ARMC1: variants seen among roughly 807,000 people sequenced by gnomAD.
The protein encoded by ARMC1 is armadillo repeat-containing protein 1.
A neutral mutation model predicts 31.4 loss-of-function variants in ARMC1; 16 were observed. The observed-to-expected ratio is 0.51, with a 90% CI of 0.34 to 0.77. ARMC1 has a LOEUF of 0.77. ARMC1 is among the 30% of genes least tolerant of loss of function. ARMC1 has a pLI of 0.01. For missense variants in ARMC1, 259 were observed against 347.5 expected, an observed-to-expected ratio of 0.75 and a Z score of 2.02; for synonymous variants, 114 against 118.9, an observed-to-expected ratio of 0.96 and a Z score of 0.27.
intron 1 of ARMC1, among the ~76,000 whole-genome samples, chr8:65,632,707 C>T (rs527712556): frequency 2.0e-5 from 3 of 152,144 alleles, no homozygotes; most frequent in South Asian, 4.1e-4. Context: ...GAGGCCAAGG[C>T]CTCTGGTACT....
At chr8:65,620,799 T>TA (rs112946805) in intron 3 of ARMC1, among the ~76,000 whole-genome samples, 39 of 139,178 alleles carry the variant, frequency 2.8e-4, no homozygotes, top group East Asian at 1.8e-3. Flanking sequence ...TAGTTCCATT[T>TA]AAAAAAAAAC....
At chr8:65,616,000 ATAAC>A (rs1443780557) in intron 3 of ARMC1, among the ~76,000 whole-genome samples, 1 of 152,242 alleles carries the variant, frequency 6.6e-6, no homozygotes, top group Admixed American at 6.5e-5. Flanking sequence ...AAAACATCCA[ATAAC>A]TGTCATACAT....
At chr8:65,606,258 G>A (rs1333634923) in intron 4 of ARMC1, among the ~76,000 whole-genome samples, 3 of 151,908 alleles carry the variant, frequency 2.0e-5, no homozygotes. Context: ...CTGCTCGGGA[G>A]GCTGAGGCAG....
chr8:65,604,482 G>A lies in ARMC1; in HGVS notation c.761C>T (p.Ala254Val), dbSNP rs773610877. Residue 254 changes from alanine to valine, a missense_variant, in exon 7 of 7, where the codon GCG becomes GTG. Transcript: ENST00000276569. ...DESPTKEQDK[A>V]VSRVGSHPEG... Reference sequence around the variant, plus strand: ...TGGGTGTGAGCCGACCCGGGACACCGCTTTGTCCTGTTCCTTTGTGGGACT... The same window carrying A: ...TGGGTGTGAGCCGACCCGGGACACCACTTTGTCCTGTTCCTTTGTGGGACT... 49 of 1,614,002 alleles carry A rather than the reference G, an allele frequency of 3.0e-5. No individual in the cohort carries two copies. Among genetic ancestry groups the A allele is most frequent in the African/African-American group, 4.0e-5 (3 of 74,898 alleles).
At chr8:65,608,647 T>C (rs1808055787) in intron 4 of ARMC1, among the ~76,000 whole-genome samples, 1 of 152,070 alleles carries the variant, frequency 6.6e-6, no homozygotes, top group Non-Finnish European at 1.5e-5. Context: ...CTTCCCCTTC[T>C]ATTATAACCT....
chr8:65,617,592 C>A (rs1167397875), intron 3 of ARMC1, among the ~76,000 whole-genome samples: 3 of 151,402 alleles, frequency 2.0e-5, no homozygotes, highest in African/African-American at 4.9e-5. Context: ...TCCCCCTCTG[C>A]GAGAAACACC....
intron 1 of ARMC1, among the ~76,000 whole-genome samples, chr8:65,632,210 G>A (rs1226852568): frequency 6.6e-6 from 1 of 152,088 alleles, no homozygotes; most frequent in African/African-American, 2.4e-5. Flanking sequence ...AGGCCCAGGG[G>A]GGTGGATCTC....
Position 65,602,480 on chromosome 8 carries a change from A to G in ARMC1, c.*1914T>C, listed in dbSNP as rs1444829290. 6.6e-6 allele frequency: 1 copy of G among 152,192 alleles called. No homozygotes were observed. Among genetic ancestry groups the G allele is most frequent in the Middle Eastern group, 3.2e-3 (1 of 316 alleles). The allele number at this position is 152,192 out of a possible 1,614,324, so 9.4% of individuals were successfully genotyped here. On this transcript the variant is annotated 3_prime_UTR_variant, in exon 7 of 7. Coordinates refer to ENST00000276569, the MANE Select transcript of ARMC1 (RefSeq NM_018120.6). Reference sequence around the variant, plus strand: ...ATATAATATCCACTCGATTTTAATTATGTTACCTTTTATTATTTTACAATG... The same window carrying G: ...ATATAATATCCACTCGATTTTAATTGTGTTACCTTTTATTATTTTACAATG...
chr8:65,613,050 C>A (rs534299579), intron 4 of ARMC1, among the ~76,000 whole-genome samples, 194 bp downstream of exon 4: 1 of 151,962 alleles, frequency 6.6e-6, no homozygotes, highest in African/African-American at 2.4e-5. Flanking sequence ...TCATATATTT[C>A]GATGTTCTAT....
intron 3 of ARMC1, among the ~76,000 whole-genome samples, chr8:65,619,264 G>C (rs1168178946): frequency 6.6e-6 from 1 of 152,162 alleles, no homozygotes; most frequent in African/African-American, 2.4e-5. Context: ...GCCAGGGGTG[G>C]TGATTCACCC....
intron 2 of ARMC1, among the ~76,000 whole-genome samples, chr8:65,623,325 TGC>T (rs1808437740): frequency 4.8e-5 from 1 of 20,874 alleles, no homozygotes; most frequent in Non-Finnish European, 9.5e-5. Context: ...AAAAAAAAAA[TGC>T]TGGGCGCTGA....
At chr8:65,612,752 C>T (rs973354542) in intron 4 of ARMC1, among the ~76,000 whole-genome samples, 1 of 151,930 alleles carries the variant, frequency 6.6e-6, no homozygotes, top group Non-Finnish European at 1.5e-5. Flanking sequence ...ATTCCAGCTA[C>T]TCGGGAGGCT....
chr8:65,609,812 C>T (rs1808084323), intron 4 of ARMC1, among the ~76,000 whole-genome samples: 1 of 137,102 alleles, frequency 7.3e-6, no homozygotes, highest in Non-Finnish European at 1.5e-5. Context: ...AAGCCGAGAT[C>T]ACGACACTGC....
intron 1 of ARMC1, among the ~76,000 whole-genome samples, chr8:65,630,464 G>GA (rs1313584343): frequency 6.6e-6 from 1 of 152,058 alleles, no homozygotes; most frequent in African/African-American, 2.4e-5. Context: ...GAACTATACT[G>GA]AAAAAAAGTT....
chr8:65,603,314 T>C lies in ARMC1; in HGVS notation c.*1080A>G, dbSNP rs1807932815. 1 of 152,198 alleles carries C rather than the reference T, an allele frequency of 6.6e-6. No individual in the cohort carries two copies. Among genetic ancestry groups the C allele is most frequent in the Non-Finnish European group, 1.5e-5 (1 of 68,012 alleles). The allele number at this position is 152,198 out of a possible 1,614,324, so 9.4% of individuals were successfully genotyped here. Reference sequence around the variant, plus strand: ...GATTAAGTGATCAATGCTGGCTTTATTTCTTCATAAGCAGTAATTTGGGTC... The same window carrying C: ...GATTAAGTGATCAATGCTGGCTTTACTTCTTCATAAGCAGTAATTTGGGTC... On this transcript the variant is annotated 3_prime_UTR_variant, in exon 7 of 7. Coordinates refer to ENST00000276569, the MANE Select transcript of ARMC1 (RefSeq NM_018120.6).
chr8:65,629,941 T>C (rs188814657), intron 1 of ARMC1, among the ~76,000 whole-genome samples: 9 of 152,214 alleles, frequency 5.9e-5, no homozygotes, highest in African/African-American at 1.4e-4. Flanking sequence ...AGTCAGGAGT[T>C]TGAGACCAGT....
At chr8:65,624,331 T>A (rs1257986517) in intron 2 of ARMC1, among the ~76,000 whole-genome samples, 4 of 151,208 alleles carry the variant, frequency 2.6e-5, no homozygotes, top group Non-Finnish European at 5.9e-5. Flanking sequence ...AAACCCTGTC[T>A]CTACTAAAAA....
chr8:65,607,756 G>T (rs1808035505), intron 4 of ARMC1, among the ~76,000 whole-genome samples: 1 of 152,058 alleles, frequency 6.6e-6, no homozygotes, highest in Admixed American at 6.6e-5. Context: ...ACAAATTTAG[G>T]AAGAACTAAC....
intron 1 of ARMC1, among the ~76,000 whole-genome samples, chr8:65,629,561 G>T (rs574775546): frequency 6.6e-6 from 1 of 152,202 alleles, no homozygotes; most frequent in African/African-American, 2.4e-5. Context: ...AGCACTTTGG[G>T]AGGCCAAGGC....
Sources: gnomAD v4.1 joint callset for allele counts (sites outside exome capture counted in the v4.1 genomes callset) on GRCh38, gnomAD v4.1.1 for gene constraint, MANE v1.5 for transcripts, NCBI Gene and HGNC (gene_info 2026-07-23, HGNC 2026-07-21) for gene names.